Variants in CFAP53 observed in about 807,000 individuals in gnomAD.
The protein encoded by CFAP53 is cilia- and flagella-associated protein 53.
A neutral mutation model predicts 59.7 loss-of-function variants in CFAP53; 62 were observed. The observed-to-expected ratio is 1.04, with a 90% CI of 0.85 to 1.28. CFAP53 has a LOEUF of 1.28. Ranked by LOEUF, CFAP53 falls within the 50% of genes most tolerant of loss-of-function variation. The pLI is 0.00. For synonymous variants in CFAP53, 218 were observed against 205.7 expected, an observed-to-expected ratio of 1.06 and a Z score of -0.51; for missense variants, 629 against 615.6, an observed-to-expected ratio of 1.02 and a Z score of -0.23.
At position 50,251,546 on chromosome 18, in the gene CFAP53, T is replaced by A; in HGVS notation, c.712A>T (p.Ile238Phe). The change falls in exon 4 of 8, where the codon ATC becomes TTC. Residue 238 changes from isoleucine to phenylalanine, a missense_variant. Physicochemically the swap from Ile to Phe is conservative, Grantham distance 21. Transcript: ENST00000398545. The stretch of plus-strand genomic sequence containing the variant: ...TGCCTTTGTGCCTTGATGCTGGTGA[T>A]CTGGGCATTCAGCCCCAGGCGTGTG... ...ENTRLGLNAQ[I>F]TSIKAQRQAT... The A allele has an allele frequency of 6.2e-7, 1 of 1,614,218 alleles. No individual in the cohort carries two copies. The highest frequency in any genetic ancestry group is 8.5e-7 in the Non-Finnish European group (1 of 1,180,034).
chr18:50,260,231 A>C (rs2033878550), intron 3 of CFAP53, among the ~76,000 whole-genome samples: 1 of 152,186 alleles, frequency 6.6e-6, no homozygotes, highest in Non-Finnish European at 1.5e-5. Flanking sequence ...TACCAGATTG[A>C]GTAGATTGAG....
At chr18:50,241,041 A>G (rs905256491) in intron 6 of CFAP53, among the ~76,000 whole-genome samples, 1 of 152,236 alleles carries the variant, frequency 6.6e-6, no homozygotes, top group Non-Finnish European at 1.5e-5. Flanking sequence ...GATTAATGGT[A>G]GCCATAAAGT....
intron 4 of CFAP53, 63 bp downstream of exon 4, chr18:50,251,418 G>T: frequency 1.4e-6 from 2 of 1,412,560 alleles, no homozygotes; most frequent in Non-Finnish European, 1.9e-6. Context: ...ACTGTAACAG[G>T]CCTGCAAACT....
intron 5 of CFAP53, among the ~76,000 whole-genome samples, chr18:50,247,186 C>A (rs1370005685): frequency 1.3e-5 from 2 of 152,038 alleles, no homozygotes; most frequent in Non-Finnish European, 2.9e-5. Context: ...CTACAAATGA[C>A]CATAAGCACA....
intron 3 of CFAP53, among the ~76,000 whole-genome samples, chr18:50,254,493 G>T (rs2033829800): frequency 6.6e-6 from 1 of 152,144 alleles, no homozygotes; most frequent in South Asian, 2.1e-4. Flanking sequence ...CTACCAAAAG[G>T]ACCAGGATGT....
chr18:50,232,266 C>A (rs2033590713), intron 7 of CFAP53, among the ~76,000 whole-genome samples: 1 of 152,190 alleles, frequency 6.6e-6, no homozygotes, highest in South Asian at 2.1e-4. Context: ...AACTCTCAAA[C>A]CCTCAAAAAG....
At chr18:50,259,699 C>T (rs1193863598) in intron 3 of CFAP53, among the ~76,000 whole-genome samples, 2 of 152,038 alleles carry the variant, frequency 1.3e-5, no homozygotes, top group Non-Finnish European at 1.5e-5. Flanking sequence ...TCCCAAAGTG[C>T]TGGAATTACA....
intron 3 of CFAP53, among the ~76,000 whole-genome samples, chr18:50,255,803 G>A (rs1334103291): frequency 6.6e-6 from 1 of 150,402 alleles, no homozygotes; most frequent in Non-Finnish European, 1.5e-5. Context: ...GTCCCAAACT[G>A]AAAATAACTG....
intron 7 of CFAP53, among the ~76,000 whole-genome samples, chr18:50,237,457 C>T (rs1479341286): frequency 3.4e-5 from 5 of 148,490 alleles, no homozygotes; most frequent in Non-Finnish European, 7.4e-5. Flanking sequence ...GTAGCAGGAA[C>T]TCAGAACGGT....
chr18:50,242,852 A>T (rs1286409239), intron 6 of CFAP53, 48 bp downstream of exon 6: 1 of 1,487,856 alleles, frequency 6.7e-7, no homozygotes, highest in African/African-American at 1.4e-5. Flanking sequence ...TTGTTACTTA[A>T]ATTGAATTAA....
At chr18:50,252,635 C>T (rs1471328291) in intron 3 of CFAP53, among the ~76,000 whole-genome samples, 1 of 152,000 alleles carries the variant, frequency 6.6e-6, no homozygotes, top group Non-Finnish European at 1.5e-5. Flanking sequence ...TCTCAAAATC[C>T]TAGTCTGAAG....
In CFAP53 at chr18:50,251,517, C is replaced by T. The variant is rs979840445; in HGVS notation, c.741G>A (p.Ala247=). The T allele has an allele frequency of 1.5e-5, 24 of 1,613,902 alleles. No individual in the cohort carries two copies. Among genetic ancestry groups the T allele is most frequent in the South Asian group, 3.3e-5 (3 of 91,076 alleles). The change falls in exon 4 of 8, where the codon GCG becomes GCA. Residue 247 remains alanine, a synonymous_variant. Coordinates refer to ENST00000398545, the MANE Select transcript of CFAP53 (RefSeq NM_145020.5). The part of the protein sequence containing the change: ...QITSIKAQRQ[A]TQLLKEEEAR... ...CCTCCTCTTCCTTCAGCAGCTGTGT[C>T]GCCTGCCTTTGTGCCTTGATGCTGG...
At chr18:50,251,306 T>C (rs1480159249) in intron 4 of CFAP53, among the ~76,000 whole-genome samples, 175 bp downstream of exon 4, 1 of 152,240 alleles carries the variant, frequency 6.6e-6, no homozygotes. Flanking sequence ...TTGACCCTTC[T>C]ATGAACTCTG....
intron 7 of CFAP53, among the ~76,000 whole-genome samples, chr18:50,230,817 C>T (rs1289283551): frequency 2.0e-5 from 3 of 152,156 alleles, no homozygotes; most frequent in Non-Finnish European, 4.4e-5. Flanking sequence ...AACACTCCAT[C>T]AACTTTTATC....
intron 5 of CFAP53, among the ~76,000 whole-genome samples, chr18:50,244,313 G>C (rs1158160242): frequency 2.6e-5 from 4 of 152,130 alleles, no homozygotes; most frequent in Non-Finnish European, 5.9e-5. Context: ...TCATGATAGT[G>C]AGTTCCCATG....
At chr18:50,228,531 A>G (rs1160120729) in intron 7 of CFAP53, among the ~76,000 whole-genome samples, 3 of 151,622 alleles carry the variant, frequency 2.0e-5, no homozygotes, top group African/African-American at 7.3e-5. Context: ...TGGCTCATGC[A>G]TGTAATCCCA....
At chr18:50,265,641 T>C (rs1381556251) in intron 1 of CFAP53, among the ~76,000 whole-genome samples, 4 of 152,222 alleles carry the variant, frequency 2.6e-5, no homozygotes, top group African/African-American at 9.6e-5. Context: ...GTTAGTTTTC[T>C]GGTGGGTAGA....
At chr18:50,234,852 G>A (rs1318718648) in intron 7 of CFAP53, among the ~76,000 whole-genome samples, 1 of 152,236 alleles carries the variant, frequency 6.6e-6, no homozygotes, top group African/African-American at 2.4e-5. Flanking sequence ...AGAGAGGAAT[G>A]GTCTAGGACA....
chr18:50,227,290 A>G lies in CFAP53; in HGVS notation c.*91T>C. 1 of 1,017,072 alleles carries G rather than the reference A, an allele frequency of 9.8e-7. No homozygotes were observed. Among genetic ancestry groups the G allele is most frequent in the Middle Eastern group, 2.1e-4 (1 of 4,696 alleles). 63.0% of individuals were successfully genotyped at this position (1,017,072 alleles called of 1,614,324 possible). A position where few individuals can be genotyped will look rare whatever the true frequency, so the allele number is the denominator to read the frequency against. On this transcript the variant is annotated 3_prime_UTR_variant, in exon 8 of 8. Transcript: ENST00000398545. ...ATTACACAAACTCAGGGAAAAAAGA[A>G]AAGTTTATCCAGGAGTTAAAAGAAG...
Sources: gnomAD v4.1 joint callset for allele counts (sites outside exome capture counted in the v4.1 genomes callset) on GRCh38, gnomAD v4.1.1 for gene constraint, MANE v1.5 for transcripts, NCBI Gene and HGNC (gene_info 2026-07-23, HGNC 2026-07-21) for gene names.